Variants in LRRC52 observed in about 807,000 individuals in gnomAD.
The protein encoded by LRRC52 is leucine rich repeat containing 52, also known as leucine-rich repeat-containing protein 52.
In LRRC52, 15 loss-of-function variants were observed where a neutral mutation model predicts 14.7. That is an observed-to-expected ratio of 1.02 (90% CI 0.68 to 1.58). The LOEUF (loss-of-function observed/expected upper bound fraction) is 1.58. LRRC52 is among the 40% of genes most tolerant of loss of function. The probability of loss-of-function intolerance (pLI) is 0.00; values close to 1 mark genes in which losing one functional copy is unlikely to be tolerated. For missense variants in LRRC52, 400 were observed against 387.7 expected (o/e 1.03, Z -0.27); for synonymous variants, 180 against 163.9 (o/e 1.10, Z -0.75).
rs1161586374 is a variant in LRRC52 at position 165,557,837 on chromosome 1, C to A, written c.623-5668C>A. 2.0e-5 allele frequency among the ~76,000 whole-genome samples: 3 copies of A among 152,158 alleles called. No homozygotes were observed. The East Asian group carries it at 5.8e-4, about 29-fold the overall frequency. On this transcript the variant is annotated intron_variant, in intron 1 of 1. Transcript: ENST00000294818. ...TAATTGCAATGCCTTCAGATTCCACCCTCTTGCTTTCCATTGCCACTGCCT... is the reference window on the plus strand; with the variant it reads ...TAATTGCAATGCCTTCAGATTCCACACTCTTGCTTTCCATTGCCACTGCCT...
In LRRC52 at chr1:165,544,565, G is replaced by T. The variant is rs374982726; in HGVS notation, c.269G>T (p.Arg90Leu). 1 of 1,613,956 alleles carries T rather than the reference G, an allele frequency of 6.2e-7. No individual in the cohort carries two copies. The highest frequency in any genetic ancestry group is 1.7e-5 in the Admixed American group (1 of 59,988). Residue 90 changes from arginine to leucine, a missense_variant, in exon 1 of 2, where the codon CGA becomes CTA. By Grantham distance (102) the Arg-to-Leu change is moderately radical (BLOSUM62 -2). Coordinates refer to ENST00000294818, the MANE Select transcript of LRRC52 (RefSeq NM_001005214.4). The stretch of plus-strand genomic sequence containing the variant: ...TTGGACTGTCAGAACAACCGGATTC[G>T]AGAGGTGATGGATTATACCTTCATC... ...VYLDCQNNRI[R>L]EVMDYTFIGV...
Position 165,544,204 on chromosome 1 carries a change from C to A in LRRC52, c.-93C>A. ...TAAAGTGTTACAGTTCTTTCCAGAGCCCCTCCCCCGCCCCACCCCCCCACC... is the reference window on the plus strand; with the variant it reads ...TAAAGTGTTACAGTTCTTTCCAGAGACCCTCCCCCGCCCCACCCCCCCACC... On this transcript the variant is annotated 5_prime_UTR_variant, in exon 1 of 2. Coordinates refer to ENST00000294818, the MANE Select transcript of LRRC52 (RefSeq NM_001005214.4). 2.0e-6 allele frequency: 2 copies of A among 978,696 alleles called. No homozygotes were observed. The highest frequency in any genetic ancestry group is 2.5e-5 in the Admixed American group (1 of 40,772). 60.6% of individuals were successfully genotyped at this position (978,696 alleles called of 1,614,324 possible).
chr1:165,547,560 T>A (rs1287058488), intron 1 of LRRC52, among the ~76,000 whole-genome samples: 1 of 152,096 alleles, frequency 6.6e-6, no homozygotes, highest in Non-Finnish European at 1.5e-5. Flanking sequence ...GGTTCTTCCT[T>A]CCCATACACA....
intron 1 of LRRC52, among the ~76,000 whole-genome samples, chr1:165,545,683 C>G (rs72693831): frequency 6.6e-6 from 1 of 152,158 alleles, no homozygotes; most frequent in Admixed American, 6.5e-5. Context: ...ACCCGCTGTC[C>G]TCACCCGGCC....
chr1:165,556,465 G>A (rs1661236217), intron 1 of LRRC52, among the ~76,000 whole-genome samples: 1 of 152,198 alleles, frequency 6.6e-6, no homozygotes, highest in East Asian at 1.9e-4. Context: ...AGGTTTTAAG[G>A]TGCCTAGGAT....
chr1:165,556,138 A>C (rs558615960), intron 1 of LRRC52, among the ~76,000 whole-genome samples: 3 of 152,338 alleles, frequency 2.0e-5, no homozygotes, highest in African/African-American at 7.2e-5. Context: ...GGAATGTTTC[A>C]TCTCCCACTG....
chr1:165,563,786 C>CAGACG lies in LRRC52; in HGVS notation c.907_911dup (p.Ser304ArgfsTer48). ...AGTCAGCCGGCGGATTTTTCAAACC[C>CAGACG]AGACGAGCTCGGTCCAGGAGTTCCC... On this transcript the variant is annotated frameshift_variant, in exon 2 of 2. Coordinates refer to ENST00000294818, the MANE Select transcript of LRRC52 (RefSeq NM_001005214.4). LOFTEE classifies it high-confidence loss of function. 6.2e-7 allele frequency: 1 copy of CAGACG among 1,614,178 alleles called. No individual in the cohort carries two copies. Among genetic ancestry groups the CAGACG allele is most frequent in the East Asian group, 2.2e-5 (1 of 44,878 alleles).
At chr1:165,550,832 G>A (rs1661115918) in intron 1 of LRRC52, among the ~76,000 whole-genome samples, 1 of 152,138 alleles carries the variant, frequency 6.6e-6, no homozygotes. Flanking sequence ...AAGCCAGGAA[G>A]CCCTGTCTTG....
intron 1 of LRRC52, among the ~76,000 whole-genome samples, chr1:165,562,665 T>G (rs1334671146): frequency 6.6e-6 from 1 of 150,562 alleles, no homozygotes; most frequent in Non-Finnish European, 1.5e-5. Flanking sequence ...AAGCCTGGCC[T>G]GTCTAGCTCC....
intron 1 of LRRC52, among the ~76,000 whole-genome samples, chr1:165,552,658 C>G (rs868430997): frequency 1.3e-5 from 2 of 152,300 alleles, no homozygotes; most frequent in Middle Eastern, 3.4e-3. Context: ...TAGCTCCTCT[C>G]ATAGTTTCTT....
At position 165,544,112 on chromosome 1, in the gene LRRC52, G is replaced by T. The variant is rs959637849; in HGVS notation, c.-185G>T. On this transcript the variant is annotated 5_prime_UTR_variant, in exon 1 of 2. Transcript: ENST00000294818. The stretch of plus-strand genomic sequence containing the variant: ...ACAGAGCCACCAAGCTGGGCGGCAG[G>T]GCATTGAGCCTCGCGTTTCAATTTC... 4.2e-6 allele frequency: 3 copies of T among 713,712 alleles called. No individual in the cohort carries two copies. Among genetic ancestry groups the T allele is most frequent in the Non-Finnish European group, 6.8e-6 (3 of 440,990 alleles). The allele number at this position is 713,712 out of a possible 1,614,324, so 44.2% of individuals were successfully genotyped here. A position where few individuals can be genotyped will look rare whatever the true frequency, so the allele number is the denominator to read the frequency against.
Position 165,544,932 on chromosome 1 carries a change from T to G in LRRC52, c.622+14T>G, listed in dbSNP as rs745339986. 1 of 1,610,928 alleles carries G rather than the reference T, an allele frequency of 6.2e-7. No individual in the cohort carries two copies. Among genetic ancestry groups the G allele is most frequent in the Non-Finnish European group, 8.5e-7 (1 of 1,177,548 alleles). ...TGGACCCCTCAGGTGAGGGCTTGAT[T>G]GGGTGTGGGGAAGAGGATGTGATTG... On this transcript the variant is annotated intron_variant, in intron 1 of 1. Transcript: ENST00000294818.
At chr1:165,563,090 T>G (rs1661383723) in intron 1 of LRRC52, among the ~76,000 whole-genome samples, 1 of 151,138 alleles carries the variant, frequency 6.6e-6, no homozygotes, top group African/African-American at 2.4e-5. Context: ...AAGAGGGAGG[T>G]GACTGGTAAA....
At chr1:165,556,122 T>G (rs1347989540) in intron 1 of LRRC52, among the ~76,000 whole-genome samples, 3 of 152,232 alleles carry the variant, frequency 2.0e-5, no homozygotes, top group Non-Finnish European at 2.9e-5. Context: ...ATTTTATTGG[T>G]GAAATGGAAT....
At chr1:165,562,229 T>C (rs1038838532) in intron 1 of LRRC52, among the ~76,000 whole-genome samples, 1 of 152,230 alleles carries the variant, frequency 6.6e-6, no homozygotes, top group Non-Finnish European at 1.5e-5. Context: ...AGGAAAATAA[T>C]ATTATGTGCA....
intron 1 of LRRC52, among the ~76,000 whole-genome samples, chr1:165,562,995 C>G (rs1257260610): frequency 6.6e-6 from 1 of 152,010 alleles, no homozygotes; most frequent in Non-Finnish European, 1.5e-5. Flanking sequence ...TCGGGGGATG[C>G]TAGTGATGCC....
intron 1 of LRRC52, among the ~76,000 whole-genome samples, chr1:165,547,953 A>G (rs927572236): frequency 3.3e-5 from 5 of 152,256 alleles, no homozygotes; most frequent in African/African-American, 1.2e-4. Context: ...ACGTGGAAAT[A>G]TCTTTGCTAT....
At position 165,544,290 on chromosome 1, in the gene LRRC52, T is replaced by C; in HGVS notation, c.-7T>C. The C allele has an allele frequency of 6.8e-6, 11 of 1,606,778 alleles. No individual in the cohort carries two copies. The highest frequency in any genetic ancestry group is 8.5e-6 in the Non-Finnish European group (10 of 1,175,568). Reference sequence around the variant, plus strand: ...AGGTGAAAGGAGGGTGGTTGTGGCTTCTTACTATGTCCCTTGCTTCAGGCC... The same window carrying C: ...AGGTGAAAGGAGGGTGGTTGTGGCTCCTTACTATGTCCCTTGCTTCAGGCC... On this transcript the variant is annotated 5_prime_UTR_variant, in exon 1 of 2. Transcript: ENST00000294818.
rs1275931281 is a variant in LRRC52, at chr1:165,563,520, C to T, written c.638C>T (p.Thr213Ile). ...HMDPSDDLNA[T>I]CVEPTELTGW... ...TTCTTCTTAGATGATCTAAATGCCACATGTGTGGAGCCCACAGAGCTGACA... is the reference window on the plus strand; with the variant it reads ...TTCTTCTTAGATGATCTAAATGCCATATGTGTGGAGCCCACAGAGCTGACA... The change falls in exon 2 of 2, where the codon ACA becomes ATA. Residue 213 changes from threonine (T) to isoleucine (I), a missense_variant. Coordinates refer to ENST00000294818, the MANE Select transcript of LRRC52 (RefSeq NM_001005214.4). 1 of 1,613,138 alleles carries T rather than the reference C, an allele frequency of 6.2e-7. No individual in the cohort carries two copies.
Sources: gnomAD v4.1 joint callset for allele counts (sites outside exome capture counted in the v4.1 genomes callset) on GRCh38, gnomAD v4.1.1 for gene constraint, MANE v1.5 for transcripts, NCBI Gene and HGNC (gene_info 2026-07-23, HGNC 2026-07-21) for gene names.